The following CACNA1B variants were observed in gnomAD, a reference collection of about 807,000 sequenced individuals.
CACNA1B encodes voltage-dependent N-type calcium channel subunit alpha-1B.
CACNA1B carries 70 observed loss-of-function variants against 247.2 expected under a neutral mutation model. That is an observed-to-expected ratio of 0.28 (90% CI 0.23 to 0.35). CACNA1B has a LOEUF of 0.35. Among genes scored for constraint, CACNA1B ranks in the 10% least tolerant of loss-of-function variants. The pLI is 1.00. For missense variants in CACNA1B, 2,367 were observed against 3,197.4 expected (o/e 0.74, Z 6.26); for synonymous variants, 1,231 against 1,294.4 (o/e 0.95, Z 1.05).
intron 21 of CACNA1B, among the ~76,000 whole-genome samples, chr9:138,044,136 C>T (rs1469349154): frequency 6.6e-6 from 1 of 152,230 alleles, no homozygotes; most frequent in Admixed American, 6.5e-5. Context: ...GGGCTCCTCA[C>T]CTCCTCTGTG....
At position 138,123,098 on chromosome 9, in the gene CACNA1B, A is replaced by G. The variant is rs755585768; in HGVS notation, c.*1099A>G. On this transcript the variant is annotated 3_prime_UTR_variant, in exon 47 of 47. Coordinates refer to ENST00000371372, the MANE Select transcript of CACNA1B (RefSeq NM_000718.4). ...CTGTTCTGCATATGATTCTCAGGGC[A>G]CACTCTGTGGTATGTGAAATAGGTT... 1.3e-5 allele frequency: 2 copies of G among 152,264 alleles called. No homozygotes were observed. Among genetic ancestry groups the G allele is most frequent in the Admixed American group, 6.5e-5 (1 of 15,282 alleles). The allele number at this position is 152,264 out of a possible 1,614,324, so 9.4% of individuals were successfully genotyped here.
chr9:138,045,222 C>T (rs1415220222), intron 21 of CACNA1B, among the ~76,000 whole-genome samples: 2 of 152,118 alleles, frequency 1.3e-5, no homozygotes, highest in Non-Finnish European at 2.9e-5. Context: ...GCAGAGCTGG[C>T]TGGTTGTTCT....
At chr9:138,044,858 A>G (rs886354385) in intron 21 of CACNA1B, among the ~76,000 whole-genome samples, 1 of 152,204 alleles carries the variant, frequency 6.6e-6, no homozygotes, top group Non-Finnish European at 1.5e-5. Flanking sequence ...TTTATCCAAC[A>G]CACATGTCTT....
At chr9:138,017,038 A>G (rs1169216427) in intron 18 of CACNA1B, 1 of 472,146 alleles carries the variant, frequency 2.1e-6, no homozygotes, top group Non-Finnish European at 4.3e-6. Context: ...TGCACATGGC[A>G]GCCTGCGCCT....
At chr9:138,017,178 A>G in intron 18 of CACNA1B, 1 of 519,052 alleles carries the variant, frequency 1.9e-6, no homozygotes. Context: ...CTCGCAGCTC[A>G]TCTGTCTCCA....
chr9:137,987,429 G>A (rs967770921), intron 15 of CACNA1B, among the ~76,000 whole-genome samples: 16 of 152,320 alleles, frequency 1.1e-4, no homozygotes, highest in Admixed American at 9.1e-4. Flanking sequence ...ATAGGCTGTG[G>A]CCCCACAGTC....
In CACNA1B at chr9:137,917,999, G is replaced by A. The variant is rs919686436; in HGVS notation, c.966+568G>A. On this transcript the variant is annotated intron_variant, in intron 6 of 46. Transcript: ENST00000371372. The surrounding 1 kb of genome is among the most constrained non-coding windows in gnomAD (Gnocchi z 5.5). ...GGCTGCCCGGCGAAGGTGGTGAACC[G>A]CGGAGCAGGGCCGAGGCCCCCAAGA... Among the ~76,000 whole-genome samples the A allele has an allele frequency of 8.5e-5, 13 of 152,354 alleles. No individual in the cohort carries two copies. The highest frequency in any genetic ancestry group is 3.9e-4 in the East Asian group (2 of 5,184).
At chr9:138,089,588 G>T (rs988832082) in intron 36 of CACNA1B, among the ~76,000 whole-genome samples, 7 of 152,080 alleles carry the variant, frequency 4.6e-5, no homozygotes, top group Non-Finnish European at 7.4e-5. Flanking sequence ...TCTACAACAA[G>T]AAAGGATACC....
intron 31 of CACNA1B, among the ~76,000 whole-genome samples, chr9:138,060,865 C>T (rs1054559565): frequency 2.6e-5 from 4 of 152,164 alleles, no homozygotes; most frequent in East Asian, 3.9e-4. Flanking sequence ...TTCATCATCC[C>T]GTTCCCCCCA....
intron 31 of CACNA1B, among the ~76,000 whole-genome samples, chr9:138,061,387 A>G (rs753092830): frequency 1.2e-4 from 18 of 152,158 alleles, no homozygotes; most frequent in Non-Finnish European, 2.6e-4. Context: ...TTCTGGAGCG[A>G]TGGTGAGACA....
chr9:137,889,220 G>A lies in CACNA1B; in HGVS notation c.530+6337G>A, dbSNP rs1272975900. Among the ~76,000 whole-genome samples the A allele has an allele frequency of 1.5e-4, 22 of 150,534 alleles. 4 individuals carry two copies. Among genetic ancestry groups the A allele is most frequent in the Non-Finnish European group, 2.4e-4 (16 of 66,902 alleles). On this transcript the variant is annotated intron_variant, in intron 3 of 46. Transcript: ENST00000371372. ...GAGCTGGGTGTGTCCGTGCTGTGAC[G>A]GAACTCTTCTGCCACAGGCTCTGCT...
At chr9:138,081,207 C>G (rs932886941) in intron 36 of CACNA1B, among the ~76,000 whole-genome samples, 5 of 152,182 alleles carry the variant, frequency 3.3e-5, no homozygotes, top group Non-Finnish European at 5.9e-5. Flanking sequence ...TGATACCACA[C>G]CACGTACAGG....
rs1375999923 is a variant in CACNA1B, at chr9:137,888,377, G to A, written c.530+5494G>A. On this transcript the variant is annotated intron_variant, in intron 3 of 46. Coordinates refer to ENST00000371372, the MANE Select transcript of CACNA1B (RefSeq NM_000718.4). This position sits in a 1 kb window ranked among gnomAD's most constrained non-coding sequence, Gnocchi z 4.7. Reference sequence around the variant, plus strand: ...CTCCCGGGCCCCTCAGGAAGCCCCTGTCAAGCCTCTGGCCCTGTGGGGCTG... The same window carrying A: ...CTCCCGGGCCCCTCAGGAAGCCCCTATCAAGCCTCTGGCCCTGTGGGGCTG... Among the ~76,000 whole-genome samples, 8 of 152,100 alleles carry A rather than the reference G, an allele frequency of 5.3e-5. No homozygotes were observed. Among genetic ancestry groups the A allele is most frequent in the Non-Finnish European group, 8.8e-5 (6 of 67,994 alleles).
rs201114958 is a variant in CACNA1B, at chr9:138,120,307, G to A, written c.6173G>A (p.Arg2058His). 137 of 1,566,896 alleles carry A rather than the reference G, an allele frequency of 8.7e-5. No individual in the cohort carries two copies. Among genetic ancestry groups the A allele is most frequent in the South Asian group, 1.4e-4 (12 of 85,946 alleles). Residue 2058 changes from arginine (R) to histidine (H), a missense_variant, in exon 45 of 47, where the codon CGC (arginine) becomes CAC (histidine). Arg to His is a conservative substitution (Grantham distance 29). Transcript: ENST00000371372. ...SSHHHHHRCH[R>H]RRDRKQRSLE... ...CACCACCACCACCACCGCTGCCACC[G>A]CCGCAGGGACAGGAAGCAGAGGTCC... is the stretch of plus-strand genomic sequence containing the variant.
intron 20 of CACNA1B, among the ~76,000 whole-genome samples, chr9:138,031,713 A>G (rs535714672): frequency 6.6e-5 from 10 of 152,178 alleles, no homozygotes; most frequent in African/African-American, 2.4e-4. Context: ...TAGGATTTCT[A>G]TGTCTTTTTG....
At position 137,952,034 on chromosome 9, in the gene CACNA1B, C is replaced by T. The variant is rs547587608; in HGVS notation, c.967-240C>T. 6.3e-4 allele frequency among the ~76,000 whole-genome samples: 96 copies of T among 152,250 alleles called. No homozygotes were observed. The highest frequency in any genetic ancestry group is 2.2e-3 in the African/African-American group (90 of 41,542). Reference sequence around the variant, plus strand: ...GGCAGTGGCTGGCAGCACTGAGTGTCCCTGGTCCTCTGGGAGCTGCAGTCC... The same window carrying T: ...GGCAGTGGCTGGCAGCACTGAGTGTTCCTGGTCCTCTGGGAGCTGCAGTCC... On this transcript the variant is annotated intron_variant, in intron 6 of 46. Coordinates refer to ENST00000371372, the MANE Select transcript of CACNA1B (RefSeq NM_000718.4). This position sits in a 1 kb window ranked among gnomAD's most constrained non-coding sequence, Gnocchi z 4.8.
rs1246717706 is a variant in CACNA1B at position 138,072,472 on chromosome 9, G to C, written c.4675-1016G>C. On this transcript the variant is annotated intron_variant, in intron 32 of 46. Transcript: ENST00000371372. This position sits in a 1 kb window ranked among gnomAD's most constrained non-coding sequence, Gnocchi z 4.5. ...GCTGCTGCTGTCTCATTTGACATCTGTGTTCTCTTTATTTGATGACTGAAT... is the reference window on the plus strand; with the variant it reads ...GCTGCTGCTGTCTCATTTGACATCTCTGTTCTCTTTATTTGATGACTGAAT... Among the ~76,000 whole-genome samples, 1 of 152,250 alleles carries C rather than the reference G, an allele frequency of 6.6e-6. No homozygotes were observed. The highest frequency in any genetic ancestry group is 1.5e-5 in the Non-Finnish European group (1 of 68,044).
At chr9:137,997,780 G>A (rs117138852) in intron 15 of CACNA1B, among the ~76,000 whole-genome samples, 339 of 152,262 alleles carry the variant, frequency 2.2e-3, no homozygotes, top group Non-Finnish European at 4.0e-3. Context: ...GAATTGGCAC[G>A]AGCAGTTCCT....
At chr9:137,931,591 A>G (rs991552380) in intron 6 of CACNA1B, among the ~76,000 whole-genome samples, 1 of 151,712 alleles carries the variant, frequency 6.6e-6, no homozygotes, top group Non-Finnish European at 1.5e-5. Flanking sequence ...CATCATCTTT[A>G]TAGGAGGCCG....
Sources: allele counts gnomAD v4.1 joint callset (sites outside exome capture counted in the v4.1 genomes callset), GRCh38; gene constraint gnomAD v4.1.1; non-coding constraint Gnocchi (gnomAD v3.1); transcripts MANE v1.5; gene names NCBI Gene and HGNC (gene_info 2026-07-23, HGNC 2026-07-21).